Variants in NBEAL2 observed in about 807,000 individuals in gnomAD.
NBEAL2 encodes neurobeachin like 2.
Under a neutral mutation model 299.8 loss-of-function variants are expected in NBEAL2, and 160 were observed. The ratio of observed to expected loss-of-function variants is 0.53; its 90% CI spans 0.47 to 0.61. The LOEUF (loss-of-function observed/expected upper bound fraction) is 0.61, where lower values mean the gene tolerates loss of function less well. NBEAL2 is among the 20% of genes least tolerant of loss of function. NBEAL2 has a pLI of 0.00. For missense variants in NBEAL2, 3,112 were observed against 3,649.0 expected, an observed-to-expected ratio of 0.85 and a Z score of 3.79; for synonymous variants, 1,493 against 1,542.3, an observed-to-expected ratio of 0.97 and a Z score of 0.75.
chr3:47,000,378 G>A lies in NBEAL2; in HGVS notation c.4279G>A (p.Asp1427Asn), dbSNP rs760956370. The change falls in exon 27 of 54, where the codon GAT becomes AAT. Residue 1427 changes from aspartate (D) to asparagine (N), a missense_variant. Transcript: ENST00000450053. This position sits in a 1 kb window ranked among gnomAD's most constrained non-coding sequence, Gnocchi z 4.5. ...SLPEPTISGD[D>N]TSNTSNPQQT... The stretch of plus-strand genomic sequence containing the variant: ...CCCGGAGCCCACCATTAGCGGGGAT[G>A]ATACCTCGAACACCAGCAACCCACA... 1.3e-6 allele frequency: 2 copies of A among 1,581,584 alleles called. No individual in the cohort carries two copies. The highest frequency in any genetic ancestry group is 1.2e-5 in the South Asian group (1 of 86,162).
rs774017224 is a variant in NBEAL2, at chr3:47,001,831, G to A, written c.4782+5G>A. On this transcript the variant is annotated splice_donor_5th_base_variant and intron_variant, in intron 30 of 53. Coordinates refer to ENST00000450053, the MANE Select transcript of NBEAL2 (RefSeq NM_015175.3). This position sits in a 1 kb window ranked among gnomAD's most constrained non-coding sequence, Gnocchi z 6.1. Reference sequence around the variant, plus strand: ...ATCCTGCTGGAAGACCCACAGGTGAGCACAGGGTGAGCATGGGGGCAGGGG... The same window carrying A: ...ATCCTGCTGGAAGACCCACAGGTGAACACAGGGTGAGCATGGGGGCAGGGG... 1 of 1,613,596 alleles carries A rather than the reference G, an allele frequency of 6.2e-7. No individual in the cohort carries two copies. The highest frequency in any genetic ancestry group is 8.5e-7 in the Non-Finnish European group (1 of 1,179,790).
In NBEAL2 at chr3:47,003,423, T is replaced by C; in HGVS notation, c.5720+114T>C. The C allele has an allele frequency of 7.0e-7, 1 of 1,425,434 alleles. No homozygotes were observed. The highest frequency in any genetic ancestry group is 2.3e-5 in the East Asian group (1 of 42,856). The allele number at this position is 1,425,434 out of a possible 1,614,324, so 88.3% of individuals were successfully genotyped here. A position where few individuals can be genotyped will look rare whatever the true frequency, so the allele number is the denominator to read the frequency against. On this transcript the variant is annotated intron_variant, in intron 35 of 53. Coordinates refer to ENST00000450053, the MANE Select transcript of NBEAL2 (RefSeq NM_015175.3). The surrounding 1 kb of genome is among the most constrained non-coding windows in gnomAD (Gnocchi z 7.0). Reference sequence around the variant, plus strand: ...AGTGTGTCCTCTTCTGCTGCCCGACTACGTCCCCCTGAAGGGACTGTCCAA... The same window carrying C: ...AGTGTGTCCTCTTCTGCTGCCCGACCACGTCCCCCTGAAGGGACTGTCCAA...
Position 46,979,910 on chromosome 3 carries a change from C to T in NBEAL2, c.49C>T (p.Gln17Ter). 2.4e-6 allele frequency: 1 copy of T among 416,280 alleles called. No individual in the cohort carries two copies. Among genetic ancestry groups the T allele is most frequent in the Non-Finnish European group, 4.3e-6 (1 of 230,598 alleles). The allele number at this position is 416,280 out of a possible 1,614,324, so 25.8% of individuals were successfully genotyped here. The change falls in exon 1 of 54, where the codon CAG (glutamine) becomes TAG (stop). Residue 17 changes from glutamine to a stop codon, truncating the protein, a stop_gained and splice_region_variant. Coordinates refer to ENST00000450053, the MANE Select transcript of NBEAL2 (RefSeq NM_015175.3). LOFTEE classifies it high-confidence loss of function. ...LYELWLLYYA[Q>*]KDLGYLQQWL... Reference sequence around the variant, plus strand: ...CGAGTTGTGGCTGCTCTACTACGCGCAGGTGAGCCCGCCCCGCCCCGCGCC... The same window carrying T: ...CGAGTTGTGGCTGCTCTACTACGCGTAGGTGAGCCCGCCCCGCCCCGCGCC...
chr3:46,985,459 T>TC (rs1054725007), intron 1 of NBEAL2, among the ~76,000 whole-genome samples: 5 of 152,080 alleles, frequency 3.3e-5, no homozygotes, highest in African/African-American at 1.2e-4. Context: ...CCCTCAGCCC[T>TC]CCAGGTTACT....
At position 47,009,102 on chromosome 3, in the gene NBEAL2, TG is replaced by T; in HGVS notation, c.8143del (p.Val2715SerfsTer151). On this transcript the variant is annotated frameshift_variant, in exon 53 of 54. Transcript: ENST00000450053. LOFTEE classifies it high-confidence loss of function. Reference sequence around the variant, plus strand: ...CTGGAGGATGGCAAGCTCATCGTGGTGGTCGCGGGGCAGCCCTCTGAGGTGA... The same window carrying T: ...CTGGAGGATGGCAAGCTCATCGTGGTGTCGCGGGGCAGCCCTCTGAGGTGA... Reference protein sequence around the residue: ...VGLEDGKLIVVVAGQPSEVRS... With the variant: ...VGLEDGKLIVXVAGQPSEVRS... The T allele has an allele frequency of 7.5e-6, 11 of 1,474,760 alleles. No individual in the cohort carries two copies. Among genetic ancestry groups the T allele is most frequent in the Non-Finnish European group, 8.1e-6 (9 of 1,105,160 alleles). 91.4% of individuals were successfully genotyped at this position (1,474,760 alleles called of 1,614,324 possible).
Position 47,003,355 on chromosome 3 carries a change from G to T in NBEAL2, c.5720+46G>T. 1 of 1,593,726 alleles carries T rather than the reference G, an allele frequency of 6.3e-7. No homozygotes were observed. Among genetic ancestry groups the T allele is most frequent in the Non-Finnish European group, 8.5e-7 (1 of 1,170,148 alleles). On this transcript the variant is annotated intron_variant, in intron 35 of 53. Transcript: ENST00000450053. This position sits in a 1 kb window ranked among gnomAD's most constrained non-coding sequence, Gnocchi z 7.0. ...ATTGGACTGGTGTGGTGGGCAAGGG[G>T]TCTGCTCCAGTGTGTGCATGCCTCT...
rs370955298 is a variant in NBEAL2 at position 46,999,881 on chromosome 3, G to A, written c.3790-8G>A. The stretch of plus-strand genomic sequence containing the variant: ...ATGCGTCCTCACTTGCTGTGCTCTC[G>A]CCTGCAGCTTTTCCACCTCATCTAC... On this transcript the variant is annotated splice_polypyrimidine_tract_variant and splice_region_variant and intron_variant, in intron 26 of 53. Coordinates refer to ENST00000450053, the MANE Select transcript of NBEAL2 (RefSeq NM_015175.3). The A allele has an allele frequency of 1.4e-5, 22 of 1,602,164 alleles. No individual in the cohort carries two copies. Among genetic ancestry groups the A allele is most frequent in the African/African-American group, 5.4e-5 (4 of 74,728 alleles).
intron 9 of NBEAL2, 53 bp from the exon 10 acceptor site, chr3:46,992,422 T>TTCCTCCTCTCTTCTTTGCC: frequency 6.7e-7 from 1 of 1,502,362 alleles, no homozygotes; most frequent in Non-Finnish European, 9.1e-7. Context: ...CTCTCCCATC[T>TTCCTCCTCTCTTCTTTGCC]TCCTCCTCTC....
rs555689313 is a variant in NBEAL2 at position 47,007,525 on chromosome 3, G to A, written c.7335G>A (p.Lys2445=). The A allele has an allele frequency of 1.2e-6, 2 of 1,610,742 alleles. No individual in the cohort carries two copies. Among genetic ancestry groups the A allele is most frequent in the South Asian group, 1.1e-5 (1 of 90,464 alleles). The stretch of plus-strand genomic sequence containing the variant: ...CTTGCTATCCCCCTCACTGGGTCAG[G>A]ACGCAGCGACTGCTGAGTGGCCCGT... ...FSKDPTMGSH[K]TQRLLSGPWV... Residue 2445 remains lysine, a splice_region_variant and synonymous_variant, in exon 48 of 54, where the codon AAG becomes AAA. Transcript: ENST00000450053.
chr3:46,989,001 G>T lies in NBEAL2; in HGVS notation c.269+31G>T. ...TCTGTTGTCCACTCTACAAGCAGGG[G>T]CCTAGAACTGTGGGCCAGAGGGAGA... On this transcript the variant is annotated intron_variant, in intron 3 of 53. Transcript: ENST00000450053. The surrounding 1 kb of genome is among the most constrained non-coding windows in gnomAD (Gnocchi z 5.5). 1 of 1,612,406 alleles carries T rather than the reference G, an allele frequency of 6.2e-7. No homozygotes were observed. Among genetic ancestry groups the T allele is most frequent in the Admixed American group, 1.7e-5 (1 of 59,672 alleles).
At position 47,005,567 on chromosome 3, in the gene NBEAL2, G is replaced by A. The variant is rs2037372038; in HGVS notation, c.6639G>A (p.Lys2213=). The A allele has an allele frequency of 6.2e-7, 1 of 1,613,062 alleles. No individual in the cohort carries two copies. ...GCCTGGAGAGCCCTGCCGATGTGAA[G>A]GAGCTCATCCCGGAATTCTTCTACT... ...QARLESPADV[K]ELIPEFFYFP... is the part of the protein sequence containing the mutation. Residue 2213 remains lysine, a synonymous_variant, in exon 41 of 54, where the codon AAG becomes AAA. Transcript: ENST00000450053.
rs960648156 is a variant in NBEAL2 at position 46,982,280 on chromosome 3, C to T, written c.51+2368C>T. The stretch of plus-strand genomic sequence containing the variant: ...AGAGACCCTTTAGTTGGCCAGCCAC[C>T]CAGCCAGCAACACCTGCACCCCTCC... On this transcript the variant is annotated intron_variant, in intron 1 of 53. Transcript: ENST00000450053. This position sits in a 1 kb window ranked among gnomAD's most constrained non-coding sequence, Gnocchi z 4.2. 6.6e-6 allele frequency among the ~76,000 whole-genome samples: 1 copy of T among 152,132 alleles called. No homozygotes were observed. Among genetic ancestry groups the T allele is most frequent in the Non-Finnish European group, 1.5e-5 (1 of 68,014 alleles).
chr3:46,985,736 C>T lies in NBEAL2; in HGVS notation c.52-2933C>T, dbSNP rs551019273. On this transcript the variant is annotated intron_variant, in intron 1 of 53. Coordinates refer to ENST00000450053, the MANE Select transcript of NBEAL2 (RefSeq NM_015175.3). Reference sequence around the variant, plus strand: ...AGGGCTTGGCAGGTGTGGCTGCTCCCGACCTGCCTTCAGTGGGGGACAGGG... The same window carrying T: ...AGGGCTTGGCAGGTGTGGCTGCTCCTGACCTGCCTTCAGTGGGGGACAGGG... Among the ~76,000 whole-genome samples the T allele has an allele frequency of 5.1e-3, 780 of 152,284 alleles. 7 individuals are homozygous for T. Among genetic ancestry groups the T allele is most frequent in the African/African-American group, 0.018 (746 of 41,544 alleles).
Position 47,001,948 on chromosome 3 carries a change from A to T in NBEAL2, c.4811A>T (p.His1604Leu). 6 of 1,605,552 alleles carry T rather than the reference A, an allele frequency of 3.7e-6. No individual in the cohort carries two copies. The highest frequency in any genetic ancestry group is 5.1e-6 in the Non-Finnish European group (6 of 1,174,424). ...QLHAQAYVRLHMLLQTAVPAR... is the reference protein window; with the variant it reads ...QLHAQAYVRLLMLLQTAVPAR... ...CATGCCCAGGCCTACGTGAGATTGC[A>T]CATGCTGCTACAGACTGCAGTGCCA... The change falls in exon 31 of 54, where the codon CAC (histidine) becomes CTC (leucine). Residue 1604 changes from histidine (H) to leucine (L), a missense_variant. His to Leu is a moderately conservative substitution (Grantham distance 99). Around this residue, in one of 3 missense-constraint regions of NBEAL2, gnomAD observed 2,243 missense variants for 2,538.1 expected, o/e 0.88. Coordinates refer to ENST00000450053, the MANE Select transcript of NBEAL2 (RefSeq NM_015175.3). The surrounding 1 kb of genome is among the most constrained non-coding windows in gnomAD (Gnocchi z 6.1).
At chr3:46,999,822 A>G (rs2036823068) in intron 26 of NBEAL2, 67 bp from the exon 27 acceptor site, 2 of 1,597,034 alleles carry the variant, frequency 1.3e-6, no homozygotes, top group Admixed American at 1.7e-5. Context: ...TCCTCTGCAA[A>G]GGCCCTGGAT....
intron 18 of NBEAL2, 55 bp downstream of exon 18, chr3:46,997,101 T>C: frequency 6.4e-7 from 1 of 1,571,414 alleles, no homozygotes; most frequent in South Asian, 1.1e-5. Flanking sequence ...GGGGCACATG[T>C]GTGTTCGGAG....
intron 32 of NBEAL2, 62 bp downstream of exon 32, chr3:47,002,582 C>A (rs1169671578): frequency 1.2e-6 from 2 of 1,608,500 alleles, no homozygotes; most frequent in Non-Finnish European, 1.7e-6. Context: ...AGATGACTGA[C>A]AATGTGGAGA....
Position 47,000,466 on chromosome 3 carries a change from G to T in NBEAL2, c.4305+62G>T. 1 of 1,526,706 alleles carries T rather than the reference G, an allele frequency of 6.6e-7. No homozygotes were observed. 94.6% of individuals were successfully genotyped at this position (1,526,706 alleles called of 1,614,324 possible). ...CAAGGGAGGACACTTCTGGTACACA[G>T]GGCTGGCAGTGTAGCCTCTCCAAAG... is the stretch of plus-strand genomic sequence containing the variant. On this transcript the variant is annotated intron_variant, in intron 27 of 53. Coordinates refer to ENST00000450053, the MANE Select transcript of NBEAL2 (RefSeq NM_015175.3). This position sits in a 1 kb window ranked among gnomAD's most constrained non-coding sequence, Gnocchi z 4.5.
Position 46,997,522 on chromosome 3 carries a change from C to T in NBEAL2, c.2825-39C>T, listed in dbSNP as rs767195784. The T allele has an allele frequency of 6.1e-5, 97 of 1,583,850 alleles. 1 individual carries two copies. In the South Asian group the frequency reaches 1.0e-3, roughly 17 times the overall value. On this transcript the variant is annotated intron_variant, in intron 19 of 53. Transcript: ENST00000450053. Reference sequence around the variant, plus strand: ...CCAAGGTCTCCTGGCCACTGGCAGGCCCTTGACACACATCTGTCCCCTTCC... The same window carrying T: ...CCAAGGTCTCCTGGCCACTGGCAGGTCCTTGACACACATCTGTCCCCTTCC...
Sources: gnomAD v4.1 joint callset for allele counts (sites outside exome capture counted in the v4.1 genomes callset) on GRCh38, gnomAD v4.1.1 for gene constraint, gnomAD v4.1.1 regional missense constraint, Gnocchi (gnomAD v3.1) non-coding constraint, MANE v1.5 for transcripts, NCBI Gene and HGNC (gene_info 2026-07-23, HGNC 2026-07-21) for gene names.